LRRC49: variants seen among roughly 807,000 people sequenced by gnomAD.
LRRC49 encodes leucine-rich repeat-containing protein 49.
Under a neutral mutation model 83.3 loss-of-function variants are expected in LRRC49, and 50 were observed. The observed-to-expected ratio is 0.60, with a 90% CI of 0.48 to 0.76. The LOEUF (loss-of-function observed/expected upper bound fraction) is 0.76. Ranked by LOEUF, LRRC49 falls within the 30% of genes least tolerant of loss-of-function variation. LRRC49 has a pLI of 0.00. For missense variants in LRRC49, 704 were observed against 809.1 expected (o/e 0.87, Z 1.58); for synonymous variants, 286 against 283.3 (o/e 1.01, Z -0.10).
chr15:71,011,752 T>C (rs1204648577), intron 13 of LRRC49, among the ~76,000 whole-genome samples: 1 of 152,096 alleles, frequency 6.6e-6, no homozygotes, highest in African/African-American at 2.4e-5. Context: ...GAATTTGAAG[T>C]CTCCTTAACT....
chr15:70,990,826 C>G (rs1346474033), intron 11 of LRRC49, among the ~76,000 whole-genome samples: 1 of 152,196 alleles, frequency 6.6e-6, no homozygotes, highest in Non-Finnish European at 1.5e-5. Flanking sequence ...TGCCCTAACA[C>G]CAATCACTTC....
rs2033779292 is a variant in LRRC49 at position 70,895,198 on chromosome 15, A to T, written c.106-651A>T. Among the ~76,000 whole-genome samples, 10 of 152,300 alleles carry T rather than the reference A, an allele frequency of 6.6e-5. No individual in the cohort carries two copies. The South Asian group carries it at 2.1e-3, about 32-fold the overall frequency. On this transcript the variant is annotated intron_variant, in intron 2 of 15. Coordinates refer to ENST00000260382, the MANE Select transcript of LRRC49 (RefSeq NM_017691.5). ...ACATATTTGGGGTTTTTTGTGGCTA[A>T]TCATAAGAAGTTGTTCTGGTTTTGT...
chr15:70,879,703 C>G (rs1457313823), intron 2 of LRRC49, among the ~76,000 whole-genome samples: 2 of 152,180 alleles, frequency 1.3e-5, no homozygotes, highest in African/African-American at 4.8e-5. Flanking sequence ...ACTTTTCACT[C>G]TGGCAGCACT....
intron 7 of LRRC49, among the ~76,000 whole-genome samples, chr15:70,934,588 A>G (rs1238689260): frequency 1.3e-5 from 2 of 152,230 alleles, no homozygotes; most frequent in African/African-American, 4.8e-5. Context: ...TTAAATAATT[A>G]TAATTTTGTC....
intron 11 of LRRC49, among the ~76,000 whole-genome samples, chr15:71,005,304 G>T (rs1046044257): frequency 2.0e-5 from 3 of 151,802 alleles, no homozygotes; most frequent in Non-Finnish European, 2.9e-5. Flanking sequence ...CTTTCTCTGT[G>T]TTCCCTTAGC....
chr15:70,892,231 G>T, upstream of LRRC49: 1 of 1,591,168 alleles, frequency 6.3e-7, no homozygotes, highest in African/African-American at 1.3e-5. Flanking sequence ...TCCCAGACTT[G>T]GTGGTGTTGC....
At chr15:70,892,670 T>C, upstream of LRRC49, 5 of 1,448,622 alleles carry the variant, frequency 3.5e-6, no homozygotes, top group South Asian at 1.5e-5. Context: ...GCTGGGAAAA[T>C]AGAACGAGGA....
intron 9 of LRRC49, among the ~76,000 whole-genome samples, chr15:70,966,805 A>G (rs754530807): frequency 1.1e-4 from 17 of 152,152 alleles, no homozygotes; most frequent in Non-Finnish European, 2.2e-4. Flanking sequence ...TAGGATATAT[A>G]TTAGACAGTA....
At chr15:70,885,665 T>G (rs2033387193) in intron 2 of LRRC49, among the ~76,000 whole-genome samples, 1 of 152,204 alleles carries the variant, frequency 6.6e-6, no homozygotes, top group African/African-American at 2.4e-5. Flanking sequence ...CTTCAAAATA[T>G]ATACATACCT....
chr15:70,978,652 G>A (rs953192586), intron 9 of LRRC49, among the ~76,000 whole-genome samples: 3 of 152,160 alleles, frequency 2.0e-5, no homozygotes, highest in African/African-American at 7.2e-5. Flanking sequence ...CAAAAGGATA[G>A]AAATATGTCT....
chr15:70,893,037 C>A, intron 1 of LRRC49, 95 bp downstream of exon 1: 1 of 1,367,742 alleles, frequency 7.3e-7, no homozygotes, highest in Non-Finnish European at 1.0e-6. Context: ...TTAGGACCGG[C>A]ACCGCTGGGT....
At chr15:70,902,314 T>C (rs1382856267) in intron 4 of LRRC49, among the ~76,000 whole-genome samples, 1 of 152,132 alleles carries the variant, frequency 6.6e-6, no homozygotes, top group African/African-American at 2.4e-5. Context: ...GGCACTTCCT[T>C]TGTAGCTTGG....
intron 11 of LRRC49, among the ~76,000 whole-genome samples, chr15:71,007,947 G>T (rs954264300): frequency 3.3e-5 from 5 of 151,264 alleles, no homozygotes; most frequent in Non-Finnish European, 7.4e-5. Context: ...GTTATTACTT[G>T]GTTCATAAAC....
At chr15:70,867,121 C>T (rs1163770999) in intron 1 of LRRC49, among the ~76,000 whole-genome samples, 1 of 151,490 alleles carries the variant, frequency 6.6e-6, no homozygotes, top group Non-Finnish European at 1.5e-5. Flanking sequence ...AATGCCTGCT[C>T]TCTCATTCCT....
chr15:71,044,260 C>G (rs1249052954), intron 15 of LRRC49, among the ~76,000 whole-genome samples: 5 of 152,148 alleles, frequency 3.3e-5, no homozygotes, highest in African/African-American at 1.2e-4. Flanking sequence ...TATCACACAT[C>G]AAAAATCTGT....
chr15:71,001,785 A>C (rs374158336), intron 11 of LRRC49, among the ~76,000 whole-genome samples: 1 of 151,716 alleles, frequency 6.6e-6, no homozygotes, highest in African/African-American at 2.4e-5. Flanking sequence ...TCTGCCTCCC[A>C]GGTTCACACC....
At chr15:70,972,573 G>A (rs2037048545) in intron 9 of LRRC49, among the ~76,000 whole-genome samples, 2 of 152,316 alleles carry the variant, frequency 1.3e-5, no homozygotes, top group South Asian at 4.1e-4. Flanking sequence ...ATATCCTGAA[G>A]TGTGTTTTCC....
At chr15:71,005,201 G>A (rs920851946) in intron 11 of LRRC49, among the ~76,000 whole-genome samples, 1 of 151,984 alleles carries the variant, frequency 6.6e-6, no homozygotes, top group African/African-American at 2.4e-5. Flanking sequence ...TTCTGCTCCT[G>A]ATAAAAATCT....
chr15:70,906,664 G>GT (rs2034327250), intron 5 of LRRC49, among the ~76,000 whole-genome samples: 2 of 152,114 alleles, frequency 1.3e-5, no homozygotes, highest in South Asian at 4.2e-4. Flanking sequence ...TGTTGTTTTT[G>GT]TTTTTGTTAA....
Sources: allele counts gnomAD v4.1 joint callset (sites outside exome capture counted in the v4.1 genomes callset), GRCh38; gene constraint gnomAD v4.1.1; transcripts MANE v1.5; gene names NCBI Gene and HGNC (gene_info 2026-07-23, HGNC 2026-07-21).